The following STX2 variants were observed in gnomAD, a reference collection of about 807,000 sequenced individuals.
STX2 encodes the protein syntaxin-2.
A neutral mutation model predicts 40.6 loss-of-function variants in STX2; 27 were observed. That is an observed-to-expected ratio of 0.66 (90% CI 0.49 to 0.92). The LOEUF is 0.92. Ranked by LOEUF, STX2 falls within the 40% of genes least tolerant of loss-of-function variation. The pLI is 0.00. For synonymous variants in STX2, 123 were observed against 119.1 expected, an observed-to-expected ratio of 1.03 and a Z score of -0.22; for missense variants, 328 against 366.1, an observed-to-expected ratio of 0.90 and a Z score of 0.85.
At chr12:130,809,140 TA>T (rs1951551178) in intron 4 of STX2, among the ~76,000 whole-genome samples, 1 of 152,220 alleles carries the variant, frequency 6.6e-6, no homozygotes, top group Non-Finnish European at 1.5e-5. Flanking sequence ...GTGCTGGCAT[TA>T]CAGGTGCGAG....
At chr12:130,827,172 G>T in intron 2 of STX2, 21 bp downstream of exon 2, 1 of 1,602,614 alleles carries the variant, frequency 6.2e-7, no homozygotes, top group South Asian at 1.1e-5. Flanking sequence ...GCTATGATTG[G>T]GTTTCATTAA....
rs1317448319 is a variant in STX2 at position 130,789,827 on chromosome 12, G to A, written c.*2196C>T. Reference sequence around the variant, plus strand: ...TGAGGCTTAGACATACACATCATTGGACAAGTGACTTAAATATCTAAATAC... The same window carrying A: ...TGAGGCTTAGACATACACATCATTGAACAAGTGACTTAAATATCTAAATAC... On this transcript the variant is annotated 3_prime_UTR_variant, in exon 11 of 11. Coordinates refer to ENST00000392373, the MANE Select transcript of STX2 (RefSeq NM_194356.4). The A allele has an allele frequency of 1.3e-5, 2 of 152,610 alleles. No individual in the cohort carries two copies. The highest frequency in any genetic ancestry group is 3.9e-4 in the East Asian group (2 of 5,186). 9.5% of individuals were successfully genotyped at this position (152,610 alleles called of 1,614,324 possible). A position where few individuals can be genotyped will look rare whatever the true frequency, so the allele number is the denominator to read the frequency against.
intron 6 of STX2, among the ~76,000 whole-genome samples, chr12:130,806,078 G>T (rs886201940): frequency 2.5e-4 from 38 of 152,216 alleles, no homozygotes; most frequent in African/African-American, 8.9e-4. Context: ...GATCAGACAA[G>T]CAAGAGAAAC....
rs1317762548 is a variant in STX2 at position 130,839,096 on chromosome 12, G to A, written c.4C>T (p.Arg2Trp). ...GCCGTCAGGTCTGGCAGCCGGTCCC[G>A]CATCCCCGCCGGCCGGGCAGCGCGC... is the stretch of plus-strand genomic sequence containing the variant. M[R>W]DRLPDLTACR... The change falls in exon 1 of 11, where the codon CGG (arginine) becomes TGG (tryptophan). Residue 2 changes from arginine (R) to tryptophan (W), a missense_variant. Coordinates refer to ENST00000392373, the MANE Select transcript of STX2 (RefSeq NM_194356.4). 5 of 1,298,250 alleles carry A rather than the reference G, an allele frequency of 3.9e-6. No individual in the cohort carries two copies. Among genetic ancestry groups the A allele is most frequent in the Non-Finnish European group, 4.9e-6 (5 of 1,018,956 alleles). The allele number at this position is 1,298,250 out of a possible 1,614,324, so 80.4% of individuals were successfully genotyped here. A position where few individuals can be genotyped will look rare whatever the true frequency, so the allele number is the denominator to read the frequency against.
intron 3 of STX2, among the ~76,000 whole-genome samples, chr12:130,818,774 C>A (rs1470791215): frequency 6.6e-6 from 1 of 152,220 alleles, no homozygotes; most frequent in Non-Finnish European, 1.5e-5. Flanking sequence ...TGCGCAGCCG[C>A]AAGGACGACC....
At chr12:130,816,020 G>A (rs1951845538) in intron 3 of STX2, among the ~76,000 whole-genome samples, 1 of 152,170 alleles carries the variant, frequency 6.6e-6, no homozygotes, top group Admixed American at 6.5e-5. Flanking sequence ...GAGGGTGGCA[G>A]GTCCATAGTT....
rs75249230 is a variant in STX2 at position 130,821,098 on chromosome 12, G to T, written c.205+591C>A. Among the ~76,000 whole-genome samples the T allele has an allele frequency of 4.7e-3, 720 of 152,260 alleles. 4 individuals carry two copies. The highest frequency in any genetic ancestry group is 0.017 in the African/African-American group (686 of 41,540). On this transcript the variant is annotated intron_variant, in intron 3 of 10. Transcript: ENST00000392373. ...GAAGCAAATTGAGACAAAAATCCAGGTTCTCCAGCTGCTTCCACTGAGCTC... is the reference window on the plus strand; with the variant it reads ...GAAGCAAATTGAGACAAAAATCCAGTTTCTCCAGCTGCTTCCACTGAGCTC...
chr12:130,818,185 A>AAAAAAAAAAAAAATATATATAT, intron 3 of STX2, among the ~76,000 whole-genome samples: 2 of 70,542 alleles, frequency 2.8e-5, no homozygotes, highest in African/African-American at 1.2e-4. Context: ...AAAAAAAAAA[A>AAAAAAAAAAAAAATATATATAT]ATATATATAT....
rs1952126234 is a variant in STX2 at position 130,821,794 on chromosome 12, A to G, written c.106-6T>C. ...CTGTTTCTAATCTCCTCCACCTAGG[A>G]GAGAGAGAGAGTCATTACAGCATGG... On this transcript the variant is annotated splice_polypyrimidine_tract_variant and splice_region_variant and intron_variant, in intron 2 of 10. Transcript: ENST00000392373. 30 of 1,432,628 alleles carry G rather than the reference A, an allele frequency of 2.1e-5. No individual in the cohort carries two copies. Among genetic ancestry groups the G allele is most frequent in the Non-Finnish European group, 2.9e-5 (30 of 1,036,232 alleles). 88.7% of individuals were successfully genotyped at this position (1,432,628 alleles called of 1,614,324 possible).
intron 4 of STX2, chr12:130,811,079 A>T (rs961754701): frequency 3.3e-5 from 5 of 152,318 alleles, no homozygotes; most frequent in African/African-American, 1.2e-4. Flanking sequence ...AAGGAAGAAT[A>T]AAATCAGGAT....
At chr12:130,817,189 C>A (rs1289423074) in intron 3 of STX2, among the ~76,000 whole-genome samples, 1 of 150,158 alleles carries the variant, frequency 6.7e-6, no homozygotes, top group Non-Finnish European at 1.5e-5. Context: ...AATAAAGTTA[C>A]AAGACACAGA....
intron 6 of STX2, among the ~76,000 whole-genome samples, chr12:130,805,377 C>A (rs1256041031): frequency 1.3e-5 from 2 of 152,308 alleles, no homozygotes; most frequent in Non-Finnish European, 2.9e-5. Flanking sequence ...ACGGAACTCT[C>A]GTGTCAGCCA....
chr12:130,827,079 GGT>G, intron 2 of STX2, 112 bp downstream of exon 2: 1 of 553,480 alleles, frequency 1.8e-6, no homozygotes, highest in Non-Finnish European at 3.2e-6. Flanking sequence ...GGGAGGGAGG[GGT>G]GGGGAGGGGA....
rs1230970655 is a variant in STX2 at position 130,839,226 on chromosome 12, G to C, written c.-127C>G. On this transcript the variant is annotated 5_prime_UTR_variant, in exon 1 of 11. Transcript: ENST00000392373. ...GGCCCGGCGCCAGCAGCCCTCCCTG[G>C]AGCCGGCGCTGCCACGGCAACCGCG... 2.1e-5 allele frequency: 18 copies of C among 858,898 alleles called. No homozygotes were observed. Among genetic ancestry groups the C allele is most frequent in the South Asian group, 5.3e-5 (1 of 18,828 alleles). 53.2% of individuals were successfully genotyped at this position (858,898 alleles called of 1,614,324 possible).
At chr12:130,834,329 C>T (rs2136366479) in intron 1 of STX2, among the ~76,000 whole-genome samples, 1 of 149,738 alleles carries the variant, frequency 6.7e-6, no homozygotes. Context: ...TGCACTCCAC[C>T]CTGGGCAAGA....
intron 1 of STX2, among the ~76,000 whole-genome samples, chr12:130,838,824 G>A (rs1458508211): frequency 6.6e-6 from 1 of 151,760 alleles, no homozygotes. Context: ...ACTCCGCCCA[G>A]GAAGCCCTGG....
chr12:130,833,191 C>T (rs986657533), intron 1 of STX2, among the ~76,000 whole-genome samples: 1 of 152,090 alleles, frequency 6.6e-6, no homozygotes, highest in Non-Finnish European at 1.5e-5. Flanking sequence ...AAGAGAAGGG[C>T]AGACACAGAC....
intron 4 of STX2, among the ~76,000 whole-genome samples, chr12:130,811,584 G>C (rs1951658227): frequency 7.9e-6 from 1 of 126,136 alleles, no homozygotes; most frequent in Admixed American, 9.6e-5. Context: ...CTGTCGCCCA[G>C]GCTGGAGTGC....
At chr12:130,828,346 A>G (rs1022761893) in intron 1 of STX2, among the ~76,000 whole-genome samples, 3 of 148,268 alleles carry the variant, frequency 2.0e-5, no homozygotes, top group East Asian at 2.0e-4. Context: ...TTATGCCCCA[A>G]CCTCCTGAAT....
Sources: gnomAD v4.1 joint callset for allele counts (sites outside exome capture counted in the v4.1 genomes callset) on GRCh38, gnomAD v4.1.1 for gene constraint, MANE v1.5 for transcripts, NCBI Gene and HGNC (gene_info 2026-07-23, HGNC 2026-07-21) for gene names.